The following NTHL1 variants were observed in gnomAD, a reference collection of about 807,000 sequenced individuals.
The protein encoded by NTHL1 is nth like DNA glycosylase 1, also known as endonuclease III-like protein 1.
Under a neutral mutation model 32.3 loss-of-function variants are expected in NTHL1, and 32 were observed. The observed-to-expected ratio is 0.99, with a 90% confidence interval of 0.75 to 1.33. NTHL1 has a LOEUF of 1.33. Among genes scored for constraint, NTHL1 ranks in the 40% most tolerant of loss-of-function variants. The probability of loss-of-function intolerance (pLI) is 0.00; values close to 1 mark genes in which losing one functional copy is unlikely to be tolerated. For missense variants in NTHL1, 501 were observed against 414.1 expected, an observed-to-expected ratio of 1.21 and a Z score of -1.82; for synonymous variants, 188 against 176.9, an observed-to-expected ratio of 1.06 and a Z score of -0.50.
chr16:2,043,959 C>T lies in NTHL1; in HGVS notation c.526-233G>A. The T allele has an allele frequency of 1.8e-6, 1 of 568,698 alleles. No individual in the cohort carries two copies. Among genetic ancestry groups the T allele is most frequent in the South Asian group, 2.0e-5 (1 of 49,502 alleles). The allele number at this position is 568,698 out of a possible 1,614,324, so 35.2% of individuals were successfully genotyped here. On this transcript the variant is annotated intron_variant, in intron 3 of 5. Coordinates refer to ENST00000651570, the MANE Select transcript of NTHL1 (RefSeq NM_002528.7). This position sits in a 1 kb window ranked among gnomAD's most constrained non-coding sequence, Gnocchi z 4.4. ...TGGGCCAATGATGCACGTGTAGGCT[C>T]TGGCTGGGGTTCCCCTGCCCGTCAT...
At position 2,044,738 on chromosome 16, in the gene NTHL1, C is replaced by T. The variant is rs1044127089; in HGVS notation, c.417G>A (p.Thr139=). The T allele has an allele frequency of 1.1e-5, 17 of 1,612,258 alleles. No homozygotes were observed. Among genetic ancestry groups the T allele is most frequent in the East Asian group, 8.9e-5 (4 of 44,866 alleles). ...CCCGCAGTCGCTGCATGGCGCCCGC[C>T]GTCACCTGGTCTTTGGTTTGGCTGG... ...MLSSQTKDQV[T]AGAMQRLRAR... is the part of the protein sequence containing the mutation. Residue 139 remains threonine, a synonymous_variant, in exon 3 of 6, where the codon ACG becomes ACA. Transcript: ENST00000651570. The surrounding 1 kb of genome is among the most constrained non-coding windows in gnomAD (Gnocchi z 5.0).
Position 2,039,851 on chromosome 16 carries a change from G to A in NTHL1, c.*73C>T, listed in dbSNP as rs1596215827. 1.0e-5 allele frequency: 16 copies of A among 1,588,974 alleles called. No individual in the cohort carries two copies. In the Admixed American group the frequency reaches 1.7e-4, roughly 17 times the overall value. Reference sequence around the variant, plus strand: ...CACACCAAAGCTTTATTCAACAGGCGTGGCTTCCTGAAGCGTAAAGCCACT... The same window carrying A: ...CACACCAAAGCTTTATTCAACAGGCATGGCTTCCTGAAGCGTAAAGCCACT... On this transcript the variant is annotated 3_prime_UTR_variant, in exon 6 of 6. Transcript: ENST00000651570.
At chr16:2,041,638 C>A (rs1050329005) in intron 4 of NTHL1, among the ~76,000 whole-genome samples, 1 of 148,864 alleles carries the variant, frequency 6.7e-6, no homozygotes, top group Non-Finnish European at 1.5e-5. Context: ...GACGGAGTCA[C>A]GCTTTGTCGC....
At position 2,043,690 on chromosome 16, in the gene NTHL1, G is replaced by A. The variant is rs1233302662; in HGVS notation, c.562C>T (p.Leu188=). 2 of 1,612,208 alleles carry A rather than the reference G, an allele frequency of 1.2e-6. No homozygotes were observed. The change falls in exon 4 of 6, where the codon CTG becomes TTG. Residue 188 remains leucine (L), a synonymous_variant. Coordinates refer to ENST00000651570, the MANE Select transcript of NTHL1 (RefSeq NM_002528.7). The surrounding 1 kb of genome is among the most constrained non-coding windows in gnomAD (Gnocchi z 4.4). ...VKYIKQTSAI[L]QQHYGGDIPA... ...ATGTCCCCACCGTAGTGCTGCTGCAGGATGGCGCTGGTCTGCTTGATGTAT... is the reference window on the plus strand; with the variant it reads ...ATGTCCCCACCGTAGTGCTGCTGCAAGATGGCGCTGGTCTGCTTGATGTAT...
Position 2,043,644 on chromosome 16 carries a change from A to G in NTHL1, c.608T>C (p.Leu203Pro). 1 of 1,611,736 alleles carries G rather than the reference A, an allele frequency of 6.2e-7. No individual in the cohort carries two copies. The highest frequency in any genetic ancestry group is 1.1e-5 in the South Asian group (1 of 91,090). ...GGGCCCAACACCCGGCAGCGCCACC[A>G]GCTCGGCCACAGAGGCTGGGATGTC... ...GGDIPASVAELVALPGVGPKM... is the reference protein window; with the variant it reads ...GGDIPASVAEPVALPGVGPKM... The change falls in exon 4 of 6, where the codon CTG becomes CCG. Residue 203 changes from leucine to proline, a missense_variant. Physicochemically the swap from Leu to Pro is moderately conservative, Grantham distance 98. Transcript: ENST00000651570. This position sits in a 1 kb window ranked among gnomAD's most constrained non-coding sequence, Gnocchi z 4.4.
At position 2,043,411 on chromosome 16, in the gene NTHL1, G is replaced by T. The variant is rs2084295975; in HGVS notation, c.685+156C>A. The stretch of plus-strand genomic sequence containing the variant: ...CTCCTGCCCCAGCACCTGTCTCTGA[G>T]TGGGGCTGGCCTGGCTCCACCCTGG... On this transcript the variant is annotated intron_variant, in intron 4 of 5. Coordinates refer to ENST00000651570, the MANE Select transcript of NTHL1 (RefSeq NM_002528.7). The surrounding 1 kb of genome is among the most constrained non-coding windows in gnomAD (Gnocchi z 4.4). 2 of 996,760 alleles carry T rather than the reference G, an allele frequency of 2.0e-6. No individual in the cohort carries two copies. The highest frequency in any genetic ancestry group is 1.6e-5 in the South Asian group (1 of 64,480). 61.7% of individuals were successfully genotyped at this position (996,760 alleles called of 1,614,324 possible). A position where few individuals can be genotyped will look rare whatever the true frequency, so the allele number is the denominator to read the frequency against.
At chr16:2,041,205 C>A (rs576437739) in intron 4 of NTHL1, among the ~76,000 whole-genome samples, 4 of 152,376 alleles carry the variant, frequency 2.6e-5, no homozygotes, top group Non-Finnish European at 5.9e-5. Flanking sequence ...CCTGAGGGGT[C>A]ACACCCCTGG....
intron 4 of NTHL1, chr16:2,042,051 C>A (rs2084274268): frequency 4.4e-6 from 2 of 456,044 alleles, no homozygotes; most frequent in Non-Finnish European, 8.8e-6. Context: ...TTGTACCCAG[C>A]CAGCTCTGAC....
chr16:2,041,376 C>T (rs2084266388), intron 4 of NTHL1, among the ~76,000 whole-genome samples: 1 of 152,238 alleles, frequency 6.6e-6, no homozygotes, highest in African/African-American at 2.4e-5. Flanking sequence ...AGCCAAGGGC[C>T]TGGCCCAGAG....
chr16:2,046,382 C>CCAGAGGGACTGCGTGGT lies in NTHL1; in HGVS notation c.116-17_116-16insACCACGCAGTCCCTCTG. The stretch of plus-strand genomic sequence containing the variant: ...TTCCTCGCTTCTGCAAAAAGCACCA[C>CCAGAGGGACTGCGTGGT]GCAGTCCCTCTGGTGGGGCCACAGG... On this transcript the variant is annotated splice_polypyrimidine_tract_variant and intron_variant, in intron 1 of 5. Coordinates refer to ENST00000651570, the MANE Select transcript of NTHL1 (RefSeq NM_002528.7). The CCAGAGGGACTGCGTGGT allele has an allele frequency of 6.2e-7, 1 of 1,600,050 alleles. No individual in the cohort carries two copies. The highest frequency in any genetic ancestry group is 8.5e-7 in the Non-Finnish European group (1 of 1,171,698).
rs143421787 is a variant in NTHL1, at chr16:2,041,148, G to A, written c.686-910C>T. On this transcript the variant is annotated intron_variant, in intron 4 of 5. Transcript: ENST00000651570. The stretch of plus-strand genomic sequence containing the variant: ...AGCCGAGGCCTGCACCAGCTCCTTC[G>A]CTGCTGCCTAGAAAAAGGTGTCCGA... 6.6e-5 allele frequency among the ~76,000 whole-genome samples: 10 copies of A among 152,338 alleles called. No homozygotes were observed. In the East Asian group the frequency reaches 9.7e-4, roughly 15 times the overall value.
rs752220394 is a variant in NTHL1, at chr16:2,044,687, G to T, written c.468C>A (p.Ile156=). The change falls in exon 3 of 6, where the codon ATC becomes ATA. Residue 156 remains isoleucine (I), a synonymous_variant. Coordinates refer to ENST00000651570, the MANE Select transcript of NTHL1 (RefSeq NM_002528.7). The surrounding 1 kb of genome is among the most constrained non-coding windows in gnomAD (Gnocchi z 5.0). ...LRARGLTVDS[I]LQTDDATLGK... The stretch of plus-strand genomic sequence containing the variant: ...CCAGCGTGGCATCATCTGTCTGCAG[G>T]ATGCTGTCCACCGTCAGGCCCCGCG... The T allele has an allele frequency of 1.2e-6, 2 of 1,611,952 alleles. No homozygotes were observed. The highest frequency in any genetic ancestry group is 1.7e-6 in the Non-Finnish European group (2 of 1,179,950).
chr16:2,040,694 C>T (rs944560976), intron 4 of NTHL1, among the ~76,000 whole-genome samples: 8 of 152,216 alleles, frequency 5.3e-5, no homozygotes, highest in South Asian at 2.1e-4. Flanking sequence ...TGAGGTCCTA[C>T]GGATGCTGAA....
chr16:2,042,461 C>CGGCGCTTGGT (rs2084280561), intron 4 of NTHL1, among the ~76,000 whole-genome samples: 1 of 152,174 alleles, frequency 6.6e-6, no homozygotes, highest in South Asian at 2.1e-4. Flanking sequence ...TAGAGGCCCC[C>CGGCGCTTGGT]GGCCCTTGGT....
At position 2,043,725 on chromosome 16, in the gene NTHL1, C is replaced by T; in HGVS notation, c.527G>A (p.Ser176Asn). ...GGTCTGCTTGATGTATTTCACCTTGCTCTGAAAGACAGGGGTGGGTTCAGC... is the reference window on the plus strand; with the variant it reads ...GGTCTGCTTGATGTATTTCACCTTGTTCTGAAAGACAGGGGTGGGTTCAGC... ...KLIYPVGFWR[S>N]KVKYIKQTSA... Residue 176 changes from serine (S) to asparagine (N), a missense_variant and splice_region_variant, in exon 4 of 6, where the codon AGC (serine) becomes AAC (asparagine). By Grantham distance (46) the Ser-to-Asn change is conservative. Transcript: ENST00000651570. The surrounding 1 kb of genome is among the most constrained non-coding windows in gnomAD (Gnocchi z 4.4). The T allele has an allele frequency of 6.2e-7, 1 of 1,611,552 alleles. No homozygotes were observed. Among genetic ancestry groups the T allele is most frequent in the Non-Finnish European group, 8.5e-7 (1 of 1,179,936 alleles).
At chr16:2,042,671 C>T (rs1374817490) in intron 4 of NTHL1, among the ~76,000 whole-genome samples, 5 of 152,104 alleles carry the variant, frequency 3.3e-5, no homozygotes, top group African/African-American at 1.2e-4. Flanking sequence ...CAGCCCCACC[C>T]CAAACCCAGG....
In NTHL1 at chr16:2,044,054, G is replaced by A. The variant is rs1451941411; in HGVS notation, c.526-328C>T. ...AGGAGTGGGGCTTGGCTGCACCTGC[G>A]CCTTCAGGAAGGAGGGCTGGAGCTG... On this transcript the variant is annotated intron_variant, in intron 3 of 5. Transcript: ENST00000651570. The surrounding 1 kb of genome is among the most constrained non-coding windows in gnomAD (Gnocchi z 5.0). The A allele has an allele frequency of 7.2e-6, 3 of 416,432 alleles. No homozygotes were observed. The highest frequency in any genetic ancestry group is 9.0e-6 in the Non-Finnish European group (2 of 223,082). The allele number at this position is 416,432 out of a possible 1,614,324, so 25.8% of individuals were successfully genotyped here. A position where few individuals can be genotyped will look rare whatever the true frequency, so the allele number is the denominator to read the frequency against.
Position 2,044,766 on chromosome 16 carries a change from A to G in NTHL1, c.389T>C (p.Leu130Pro), listed in dbSNP as rs2084319371. 1 of 1,611,404 alleles carries G rather than the reference A, an allele frequency of 6.2e-7. No homozygotes were observed. Among genetic ancestry groups the G allele is most frequent in the Non-Finnish European group, 8.5e-7 (1 of 1,179,084 alleles). The change falls in exon 3 of 6, where the codon CTC becomes CCC. Residue 130 changes from leucine to proline, a missense_variant. Transcript: ENST00000651570. The surrounding 1 kb of genome is among the most constrained non-coding windows in gnomAD (Gnocchi z 5.0). ...RRYQVLLSLM[L>P]SSQTKDQVTA... is the part of the protein sequence containing the mutation. Reference sequence around the variant, plus strand: ...CACCTGGTCTTTGGTTTGGCTGGAGAGCATCAGTGACAGCAGCACCTGGTA... The same window carrying G: ...CACCTGGTCTTTGGTTTGGCTGGAGGGCATCAGTGACAGCAGCACCTGGTA...
At position 2,047,766 on chromosome 16, in the gene NTHL1, C is replaced by A; in HGVS notation, c.58G>T (p.Gly20Trp). Residue 20 changes from glycine (G) to tryptophan (W), a missense_variant, in exon 1 of 6, where the codon GGG becomes TGG. Physicochemically the swap from Gly to Trp is radical, Grantham distance 184. Transcript: ENST00000651570. ...TRSRSLGPGA[G>W]PRGCREEPGP... is the part of the protein sequence containing the mutation. ...GGCTCCTCCCTACACCCCCGCGGCC[C>A]AGCCCCGGGTCCCAGGCTCCGGCTC... 5 of 1,587,562 alleles carry A rather than the reference C, an allele frequency of 3.1e-6. No homozygotes were observed. Among genetic ancestry groups the A allele is most frequent in the Non-Finnish European group, 4.3e-6 (5 of 1,172,424 alleles).
Sources: allele counts gnomAD v4.1 joint callset (sites outside exome capture counted in the v4.1 genomes callset), GRCh38; gene constraint gnomAD v4.1.1; non-coding constraint Gnocchi (gnomAD v3.1); transcripts MANE v1.5; gene names NCBI Gene and HGNC (gene_info 2026-07-23, HGNC 2026-07-21).